The following RECK variants were observed in gnomAD, a reference collection of about 807,000 sequenced individuals.
The protein encoded by RECK is reversion inducing cysteine rich protein with kazal motifs.
Under a neutral mutation model 115.1 loss-of-function variants are expected in RECK, and 69 were observed. That is an observed-to-expected ratio of 0.60 (90% CI 0.49 to 0.73). RECK has a LOEUF of 0.73. RECK is among the 30% of genes least tolerant of loss of function. RECK has a pLI of 0.00. For missense variants in RECK, 1,047 were observed against 1,203.7 expected, an observed-to-expected ratio of 0.87 and a Z score of 1.93; for synonymous variants, 414 against 419.7, an observed-to-expected ratio of 0.99 and a Z score of 0.17.
chr9:36,090,527 A>AT (rs1491097531), intron 9 of RECK, among the ~76,000 whole-genome samples: 3 of 152,308 alleles, frequency 2.0e-5, no homozygotes, highest in African/African-American at 7.2e-5. Context: ...AATGAATATC[A>AT]TGTGTGAGAG....
intron 6 of RECK, chr9:36,066,748 G>A (rs761489662): frequency 4.8e-6 from 6 of 1,246,710 alleles, no homozygotes; most frequent in Non-Finnish European, 6.3e-6. Flanking sequence ...CATGATGTCT[G>A]ACACTGTCCA....
chr9:36,108,768 C>T (rs10972725), intron 14 of RECK, among the ~76,000 whole-genome samples: 2 of 152,114 alleles, frequency 1.3e-5, no homozygotes, highest in Non-Finnish European at 2.9e-5. Flanking sequence ...ACTTTGACCA[C>T]CTTCCCTAAA....
chr9:36,105,508 G>A (rs1823768671), intron 13 of RECK, among the ~76,000 whole-genome samples: 1 of 152,088 alleles, frequency 6.6e-6, no homozygotes, highest in African/African-American at 2.4e-5. Flanking sequence ...ACAGACACTT[G>A]TAATCCTCCA....
chr9:36,080,598 T>C lies in RECK; in HGVS notation c.406-7T>C. ...TTTCTGTTTATTTGTTTTTCTTCAA[T>C]TTACAGAATGCTCTTTTCAGTTGCA... On this transcript the variant is annotated splice_region_variant and splice_polypyrimidine_tract_variant and intron_variant, in intron 6 of 20. Coordinates refer to ENST00000377966, the MANE Select transcript of RECK (RefSeq NM_021111.3). 1 of 1,604,532 alleles carries C rather than the reference T, an allele frequency of 6.2e-7. No homozygotes were observed. Among genetic ancestry groups the C allele is most frequent in the Non-Finnish European group, 8.5e-7 (1 of 1,173,796 alleles).
chr9:36,105,622 T>C (rs1823772500), intron 13 of RECK, among the ~76,000 whole-genome samples: 1 of 152,228 alleles, frequency 6.6e-6, no homozygotes, highest in African/African-American at 2.4e-5. Flanking sequence ...CAGCTTTTTG[T>C]ACTTTCTCTT....
At chr9:36,038,322 G>A (rs913793851) in intron 1 of RECK, among the ~76,000 whole-genome samples, 2 of 152,054 alleles carry the variant, frequency 1.3e-5, no homozygotes, top group Admixed American at 1.3e-4. Context: ...GTTCCAACAG[G>A]GGTATTAACT....
At chr9:36,097,768 G>T (rs940578080) in intron 10 of RECK, among the ~76,000 whole-genome samples, 2 of 152,182 alleles carry the variant, frequency 1.3e-5, no homozygotes, top group Non-Finnish European at 2.9e-5. Context: ...CCAAGATGTA[G>T]AATCAACCTG....
intron 12 of RECK, among the ~76,000 whole-genome samples, chr9:36,104,327 T>TATATATATATA (rs1491333559): frequency 6.8e-4 from 6 of 8,810 alleles, no homozygotes; most frequent in African/African-American, 7.6e-4. Flanking sequence ...TATATATATA[T>TATATATATATA]TTTTTTTTTT....
At chr9:36,073,271 C>CACACAG (rs1327814487) in intron 6 of RECK, among the ~76,000 whole-genome samples, 3 of 150,094 alleles carry the variant, frequency 2.0e-5, no homozygotes, top group African/African-American at 7.4e-5. Context: ...CACACACACA[C>CACACAG]ACACACATCC....
chr9:36,083,222 G>A, intron 7 of RECK, 143 bp from the exon 8 acceptor site: 1 of 777,402 alleles, frequency 1.3e-6, no homozygotes, highest in Non-Finnish European at 2.1e-6. Context: ...ACCTACAGAA[G>A]TGCCGATTTT....
rs1161098463 is a variant in RECK at position 36,105,219 on chromosome 9, C to G, written c.1512C>G (p.Leu504=). ...CAAATCCTTGCCCTGCCAATGAGCT[C>G]TGTGAAGTAAACCGAAAAGGATGTC... ...CNPNPCPANE[L]CEVNRKGCPS... The change falls in exon 13 of 21, where the codon CTC becomes CTG. Residue 504 remains leucine, a synonymous_variant. Coordinates refer to ENST00000377966, the MANE Select transcript of RECK (RefSeq NM_021111.3). 20 of 1,613,908 alleles carry G rather than the reference C, an allele frequency of 1.2e-5. No homozygotes were observed. Among genetic ancestry groups the G allele is most frequent in the Non-Finnish European group, 1.7e-5 (20 of 1,179,944 alleles).
intron 1 of RECK, among the ~76,000 whole-genome samples, chr9:36,047,585 A>G (rs1821112835): frequency 6.6e-6 from 1 of 152,126 alleles, no homozygotes; most frequent in Non-Finnish European, 1.5e-5. Context: ...AGCCTGGGTG[A>G]CAGCGCAAGA....
intron 2 of RECK, among the ~76,000 whole-genome samples, chr9:36,052,796 G>A (rs1335490086): frequency 6.6e-6 from 1 of 152,172 alleles, no homozygotes; most frequent in African/African-American, 2.4e-5. Flanking sequence ...AAACTAAAGA[G>A]ATGTGACAAC....
intron 18 of RECK, 30 bp from the exon 19 acceptor site, chr9:36,120,633 A>G: frequency 6.6e-7 from 1 of 1,516,480 alleles, no homozygotes; most frequent in Non-Finnish European, 9.1e-7. Flanking sequence ...TCTAATTCTG[A>G]ACGCACATAA....
chr9:36,108,307 A>G (rs979960680), intron 14 of RECK, 143 bp downstream of exon 14: 1 of 519,298 alleles, frequency 1.9e-6, no homozygotes, highest in African/African-American at 1.9e-5. Flanking sequence ...TATACAGAGC[A>G]CTAGGACTTC....
chr9:36,076,585 A>T (rs1267966847), intron 6 of RECK, among the ~76,000 whole-genome samples: 1 of 152,134 alleles, frequency 6.6e-6, no homozygotes, highest in Non-Finnish European at 1.5e-5. Context: ...CCCACCTAGT[A>T]ATATATTGGA....
intron 1 of RECK, among the ~76,000 whole-genome samples, chr9:36,048,099 C>T (rs1821137536): frequency 1.4e-5 from 2 of 143,014 alleles, no homozygotes; most frequent in Non-Finnish European, 3.0e-5. Context: ...GATTATGTTG[C>T]ATACACACGC....
chr9:36,111,161 T>C (rs977971898), intron 15 of RECK, among the ~76,000 whole-genome samples: 3 of 152,194 alleles, frequency 2.0e-5, no homozygotes, highest in African/African-American at 7.2e-5. Flanking sequence ...CTGTTTCCTA[T>C]AGTGTGTGGC....
chr9:36,107,374 G>T (rs1440933070), intron 13 of RECK, among the ~76,000 whole-genome samples: 1 of 152,042 alleles, frequency 6.6e-6, no homozygotes, highest in Non-Finnish European at 1.5e-5. Flanking sequence ...TGGATCACGA[G>T]GTCAGGAGTT....
Sources: gnomAD v4.1 joint callset for allele counts (sites outside exome capture counted in the v4.1 genomes callset) on GRCh38, gnomAD v4.1.1 for gene constraint, MANE v1.5 for transcripts, NCBI Gene and HGNC (gene_info 2026-07-23, HGNC 2026-07-21) for gene names.